The following PTPRN2 variants were observed in gnomAD, a reference collection of about 807,000 sequenced individuals.
PTPRN2 encodes protein tyrosine phosphatase receptor type N2, also known as receptor-type tyrosine-protein phosphatase N2.
Under a neutral mutation model 118.8 loss-of-function variants are expected in PTPRN2, and 74 were observed. The observed-to-expected ratio is 0.62, with a 90% CI of 0.52 to 0.76. The LOEUF (loss-of-function observed/expected upper bound fraction) is 0.76, where lower values mean the gene tolerates loss of function less well. Among genes scored for constraint, PTPRN2 ranks in the 30% least tolerant of loss-of-function variants. The pLI, the probability that PTPRN2 is intolerant of heterozygous loss-of-function variation, is 0.00. For missense variants in PTPRN2, 1,481 were observed against 1,394.4 expected (o/e 1.06, Z -0.99); for synonymous variants, 641 against 608.0 (o/e 1.05, Z -0.80).
In PTPRN2 at chr7:158,022,937, C is replaced by A. The variant is rs534035823; in HGVS notation, c.1723+58361G>T. Among the ~76,000 whole-genome samples, 10 of 152,230 alleles carry A rather than the reference C, an allele frequency of 6.6e-5. No homozygotes were observed. The highest frequency in any genetic ancestry group is 1.2e-4 in the Non-Finnish European group (8 of 68,032). ...TTTCACCTTGTTCTGCAGGGGATGG[C>A]AAGAGCAGGGTCGCCCTGGTGAGTC... On this transcript the variant is annotated intron_variant, in intron 11 of 22. Transcript: ENST00000389418. The surrounding 1 kb of genome is among the most constrained non-coding windows in gnomAD (Gnocchi z 4.6).
rs1467512463 is a variant in PTPRN2 at position 157,542,384 on chromosome 7, A to G, written c.2977-1599T>C. On this transcript the variant is annotated intron_variant, in intron 22 of 22. Transcript: ENST00000389418. ...AGCGAAATGCAAGTGTCATCTATCT[A>G]TTTACATCTTCCGACACACTGGAAA... is the stretch of plus-strand genomic sequence containing the variant. Among the ~76,000 whole-genome samples the G allele has an allele frequency of 4.0e-5, 6 of 151,766 alleles. No homozygotes were observed. In the East Asian group the frequency reaches 7.7e-4, roughly 20 times the overall value.
intron 11 of PTPRN2, among the ~76,000 whole-genome samples, chr7:157,930,008 G>A (rs1799266878): frequency 1.3e-5 from 2 of 152,210 alleles, no homozygotes; most frequent in Admixed American, 1.3e-4. Context: ...GCCATCACCC[G>A]TCGCTCAGCC....
rs577421478 is a variant in PTPRN2, at chr7:157,691,909, C to G, written c.1789-8972G>C. Among the ~76,000 whole-genome samples, 32 of 152,212 alleles carry G rather than the reference C, an allele frequency of 2.1e-4. No homozygotes were observed. In the East Asian group the frequency reaches 6.2e-3, roughly 30 times the overall value. On this transcript the variant is annotated intron_variant, in intron 12 of 22. Transcript: ENST00000389418. ...CTCTCTCTCCCCAGGCCCTGGACCC[C>G]GGGCCACAGCCACAGGTTGGGGCAC...
At chr7:158,376,095 C>T (rs1331007283) in intron 2 of PTPRN2, among the ~76,000 whole-genome samples, 1 of 152,196 alleles carries the variant, frequency 6.6e-6, no homozygotes, top group Non-Finnish European at 1.5e-5. Context: ...CTTTGGGAGT[C>T]ACAGACACCC....
chr7:157,752,500 G>A (rs78043726), intron 12 of PTPRN2, among the ~76,000 whole-genome samples: 7,085 of 152,234 alleles, frequency 0.047, 211 homozygotes, highest in South Asian at 0.1. Context: ...TGTGGCTGTC[G>A]CCCTTTTGTG....
intron 12 of PTPRN2, among the ~76,000 whole-genome samples, chr7:157,731,813 C>T (rs112044547): frequency 1.9e-4 from 10 of 52,048 alleles, no homozygotes; most frequent in African/African-American, 6.5e-4. Flanking sequence ...CCCTTTTCCG[C>T]CCCATGCGCC....
rs184012576 is a variant in PTPRN2 at position 157,789,266 on chromosome 7, G to A, written c.1789-106329C>T. ...AAACTGGCTGGGCCTTGTACTCTCC[G>A]CTCCCTCGAGAAGCTCCCCGCCCGG... On this transcript the variant is annotated intron_variant, in intron 12 of 22. Coordinates refer to ENST00000389418, the MANE Select transcript of PTPRN2 (RefSeq NM_002847.5). Among the ~76,000 whole-genome samples the A allele has an allele frequency of 1.3e-3, 198 of 152,220 alleles. 3 individuals carry two copies. Among genetic ancestry groups the A allele is most frequent in the African/African-American group, 4.5e-3 (188 of 41,536 alleles).
intron 2 of PTPRN2, among the ~76,000 whole-genome samples, chr7:158,359,423 C>T (rs963997195): frequency 6.6e-5 from 10 of 152,128 alleles, no homozygotes; most frequent in African/African-American, 2.4e-4. Flanking sequence ...GTCCTCAGTG[C>T]CACCCAGGCA....
chr7:158,466,113 T>G lies in PTPRN2; in HGVS notation c.163+23622A>C, dbSNP rs370738735. ...TGCAACATGATGTTGGATACATACA[T>G]GCATACTGAGGTGGCCACTGTGGTC... On this transcript the variant is annotated intron_variant, in intron 2 of 22. Coordinates refer to ENST00000389418, the MANE Select transcript of PTPRN2 (RefSeq NM_002847.5). Among the ~76,000 whole-genome samples, 40 of 152,348 alleles carry G rather than the reference T, an allele frequency of 2.6e-4. No individual in the cohort carries two copies. The East Asian group carries it at 5.2e-3, about 20-fold the overall frequency.
At chr7:158,033,556 G>A (rs1056808643) in intron 11 of PTPRN2, among the ~76,000 whole-genome samples, 13 of 152,300 alleles carry the variant, frequency 8.5e-5, no homozygotes, top group South Asian at 2.1e-4. Context: ...GCTCTGAGCC[G>A]TGGGATATAG....
chr7:158,166,857 G>C, intron 6 of PTPRN2, 74 bp downstream of exon 6: 1 of 1,388,244 alleles, frequency 7.2e-7, no homozygotes, highest in Non-Finnish European at 9.4e-7. Flanking sequence ...GGAAGAGCAT[G>C]GTGCGTCTGT....
At chr7:157,935,577 A>G (rs1378429498) in intron 11 of PTPRN2, among the ~76,000 whole-genome samples, 1 of 152,144 alleles carries the variant, frequency 6.6e-6, no homozygotes, top group Non-Finnish European at 1.5e-5. Context: ...ATTGTTGTTA[A>G]GTCCTTGTCT....
At chr7:158,176,244 G>T (rs73746408) in intron 5 of PTPRN2, among the ~76,000 whole-genome samples, 3,144 of 152,302 alleles carry the variant, frequency 0.021, 100 homozygotes, top group African/African-American at 0.072. Context: ...TTAGAGGTCA[G>T]TTGGCTCATA....
intron 15 of PTPRN2, among the ~76,000 whole-genome samples, chr7:157,608,631 T>C (rs1005792466): frequency 7.2e-5 from 11 of 152,208 alleles, no homozygotes; most frequent in African/African-American, 2.7e-4. Flanking sequence ...GGCAGTTTCC[T>C]TGACGTGCGA....
chr7:157,855,578 C>T (rs1323607445), intron 12 of PTPRN2, among the ~76,000 whole-genome samples: 1 of 152,146 alleles, frequency 6.6e-6, no homozygotes, highest in Non-Finnish European at 1.5e-5. Context: ...CTGGATGCGG[C>T]CTGCTGTGAT....
chr7:157,824,971 G>A (rs1032108023), intron 12 of PTPRN2, among the ~76,000 whole-genome samples: 1 of 152,150 alleles, frequency 6.6e-6, no homozygotes, highest in South Asian at 2.1e-4. Flanking sequence ...CTGAGGGCCT[G>A]GGGAGTCAGC....
At chr7:158,055,478 A>G (rs1032098452) in intron 11 of PTPRN2, among the ~76,000 whole-genome samples, 11 of 152,318 alleles carry the variant, frequency 7.2e-5, no homozygotes, top group Admixed American at 5.9e-4. Flanking sequence ...TTGTGGAGTC[A>G]GGCCCACCCG....
chr7:158,206,861 G>A (rs1827192760), intron 3 of PTPRN2, among the ~76,000 whole-genome samples: 1 of 150,354 alleles, frequency 6.7e-6, no homozygotes, highest in Non-Finnish European at 1.5e-5. Flanking sequence ...ACATTGTACA[G>A]GTTAGTTACA....
chr7:157,777,953 T>G (rs1349215964), intron 12 of PTPRN2, among the ~76,000 whole-genome samples: 1 of 150,424 alleles, frequency 6.6e-6, no homozygotes. Context: ...TTAAAGGACC[T>G]TTAGAAAAAT....
Sources: allele counts gnomAD v4.1 joint callset (sites outside exome capture counted in the v4.1 genomes callset), GRCh38; gene constraint gnomAD v4.1.1; non-coding constraint Gnocchi (gnomAD v3.1); transcripts MANE v1.5; gene names NCBI Gene and HGNC (gene_info 2026-07-23, HGNC 2026-07-21).